Variants in WDFY2 observed in about 807,000 individuals in gnomAD.
WDFY2 encodes the protein WD repeat and FYVE domain-containing protein 2.
In WDFY2, 36 loss-of-function variants were observed where a neutral mutation model predicts 56.4. The observed-to-expected ratio is 0.64, with a 90% confidence interval of 0.49 to 0.84. The LOEUF is 0.84. Among genes scored for constraint, WDFY2 ranks in the 40% least tolerant of loss-of-function variants. The probability of loss-of-function intolerance (pLI) is 0.00; values close to 1 mark genes in which losing one functional copy is unlikely to be tolerated. For missense variants in WDFY2, 444 were observed against 512.2 expected (o/e 0.87, Z 1.29); for synonymous variants, 176 against 183.7 (o/e 0.96, Z 0.34).
At chr13:51,603,218 C>T (rs183138788) in intron 1 of WDFY2, among the ~76,000 whole-genome samples, 81 of 152,284 alleles carry the variant, frequency 5.3e-4, no homozygotes, top group African/African-American at 1.6e-3. Context: ...TGTTTAGACA[C>T]CACATATTGA....
chr13:51,661,025 C>T (rs1236556064), intron 2 of WDFY2, among the ~76,000 whole-genome samples: 1 of 152,120 alleles, frequency 6.6e-6, no homozygotes, highest in East Asian at 1.9e-4. Context: ...GTAAATTTGT[C>T]CTTGCCTTAT....
At chr13:51,723,706 A>G (rs1952540799) in intron 5 of WDFY2, among the ~76,000 whole-genome samples, 1 of 152,122 alleles carries the variant, frequency 6.6e-6, no homozygotes, top group South Asian at 2.1e-4. Context: ...ATGGCATTGG[A>G]TTGTCGCCCT....
intron 1 of WDFY2, among the ~76,000 whole-genome samples, 190 bp from the exon 2 acceptor site, chr13:51,660,406 G>A (rs1308705190): frequency 6.6e-6 from 1 of 151,348 alleles, no homozygotes; most frequent in Admixed American, 6.6e-5. Context: ...CACCATGTTG[G>A]CCAGGCTGGT....
chr13:51,640,410 C>T (rs1955133031), intron 1 of WDFY2, among the ~76,000 whole-genome samples: 1 of 152,176 alleles, frequency 6.6e-6, no homozygotes. Context: ...TGCATCTACT[C>T]CTTCCACCCT....
chr13:51,691,514 T>C (rs1445773714), intron 3 of WDFY2, among the ~76,000 whole-genome samples: 4 of 151,524 alleles, frequency 2.6e-5, no homozygotes, highest in Admixed American at 1.3e-4. Flanking sequence ...TGTAGATATG[T>C]GGCATTATTT....
intron 1 of WDFY2, among the ~76,000 whole-genome samples, chr13:51,629,826 C>CTTTTTTTT (rs11432630): frequency 6.4e-5 from 8 of 125,132 alleles, no homozygotes; most frequent in African/African-American, 9.1e-5. Flanking sequence ...TCTTTCTTTT[C>CTTTTTTTT]TTTTTTTTTT....
chr13:51,755,293 G>C (rs1308247946), intron 8 of WDFY2, 65 bp from the exon 9 acceptor site: 2 of 1,455,480 alleles, frequency 1.4e-6, no homozygotes, highest in Non-Finnish European at 1.9e-6. Flanking sequence ...GTTTCATCAG[G>C]GTCAGTGGTT....
intron 1 of WDFY2, among the ~76,000 whole-genome samples, chr13:51,656,856 C>A (rs539794567): frequency 6.6e-6 from 1 of 151,954 alleles, no homozygotes; most frequent in African/African-American, 2.4e-5. Context: ...CATTTTCAAC[C>A]TATTTGTGTC....
At chr13:51,756,018 C>T (rs1339615143) in intron 9 of WDFY2, among the ~76,000 whole-genome samples, 4 of 151,576 alleles carry the variant, frequency 2.6e-5, no homozygotes, top group Non-Finnish European at 4.4e-5. Flanking sequence ...TCAGACACCC[C>T]GCTTTAAGAT....
At chr13:51,619,658 T>C (rs1478134180) in intron 1 of WDFY2, among the ~76,000 whole-genome samples, 1 of 152,200 alleles carries the variant, frequency 6.6e-6, no homozygotes, top group Non-Finnish European at 1.5e-5. Context: ...AGAAAAACTT[T>C]AGACAAATTA....
chr13:51,672,280 C>T (rs1593969396), intron 2 of WDFY2, among the ~76,000 whole-genome samples: 1 of 152,180 alleles, frequency 6.6e-6, no homozygotes, highest in African/African-American at 2.4e-5. Flanking sequence ...TGCCAATTAT[C>T]CCAGCGCTGT....
chr13:51,602,443 G>A lies in WDFY2; in HGVS notation c.137+17619G>A, dbSNP rs561365807. Among the ~76,000 whole-genome samples, 3 of 152,336 alleles carry A rather than the reference G, an allele frequency of 2.0e-5. No individual in the cohort carries two copies. In the East Asian group the frequency reaches 5.8e-4, roughly 29 times the overall value. The stretch of plus-strand genomic sequence containing the variant: ...AGTAGGCTATGTACCATATGGGTTT[G>A]TATAGATACACTCTATGATGTTTGC... On this transcript the variant is annotated intron_variant, in intron 1 of 11. Coordinates refer to ENST00000298125, the MANE Select transcript of WDFY2 (RefSeq NM_052950.4).
chr13:51,690,260 A>G (rs1363154659), intron 3 of WDFY2, among the ~76,000 whole-genome samples: 1 of 151,294 alleles, frequency 6.6e-6, no homozygotes, highest in African/African-American at 2.4e-5. Context: ...TTAGTTACAT[A>G]TGTATACATG....
chr13:51,641,825 CAAAA>C (rs750489541), intron 1 of WDFY2, among the ~76,000 whole-genome samples: 11 of 37,418 alleles, frequency 2.9e-4, no homozygotes, highest in Non-Finnish European at 4.1e-4. Flanking sequence ...GACTCCGTCT[CAAAA>C]AAAAAAAAAA....
chr13:51,585,834 A>C (rs1367362924), intron 1 of WDFY2, among the ~76,000 whole-genome samples: 1 of 152,226 alleles, frequency 6.6e-6, no homozygotes, highest in East Asian at 1.9e-4. Flanking sequence ...TGAGAGGCTG[A>C]GCAACAAAGT....
intron 1 of WDFY2, among the ~76,000 whole-genome samples, 173 bp from the exon 2 acceptor site, chr13:51,660,423 C>A (rs746396941): frequency 6.6e-6 from 1 of 151,810 alleles, no homozygotes; most frequent in South Asian, 2.1e-4. Context: ...TGGTCTCGAA[C>A]TCCTGACCTC....
chr13:51,759,516 A>T (rs1953513108), intron 11 of WDFY2, among the ~76,000 whole-genome samples: 2 of 152,204 alleles, frequency 1.3e-5, no homozygotes, highest in Admixed American at 6.5e-5. Flanking sequence ...ATCTGCCATG[A>T]TTCTTCATGA....
At chr13:51,748,634 T>C (rs1953158676) in intron 7 of WDFY2, among the ~76,000 whole-genome samples, 1 of 152,214 alleles carries the variant, frequency 6.6e-6, no homozygotes, top group South Asian at 2.1e-4. Flanking sequence ...CTCTTTTTTT[T>C]TTCTTAAGAG....
chr13:51,637,102 G>T (rs908409927), intron 1 of WDFY2, among the ~76,000 whole-genome samples: 3 of 152,220 alleles, frequency 2.0e-5, no homozygotes, highest in African/African-American at 7.2e-5. Context: ...ACTATAAGGT[G>T]TGTTAGTTTT....
Sources: allele counts gnomAD v4.1 joint callset (sites outside exome capture counted in the v4.1 genomes callset), GRCh38; gene constraint gnomAD v4.1.1; transcripts MANE v1.5; gene names NCBI Gene and HGNC (gene_info 2026-07-23, HGNC 2026-07-21).